Variants in PLCG2 observed in about 807,000 individuals in gnomAD.
PLCG2 encodes phospholipase C gamma 2, also known as 1-phosphatidylinositol 4,5-bisphosphate phosphodiesterase gamma-2.
A neutral mutation model predicts 175.6 loss-of-function variants in PLCG2; 69 were observed. That is an observed-to-expected ratio of 0.39 (90% CI 0.32 to 0.48). The LOEUF is 0.48. PLCG2 is among the 20% of genes least tolerant of loss of function. The pLI, the probability that PLCG2 is intolerant of heterozygous loss-of-function variation, is 0.91. For missense variants in PLCG2, 1,798 were observed against 1,650.9 expected, an observed-to-expected ratio of 1.09 and a Z score of -1.54; for synonymous variants, 827 against 624.0, an observed-to-expected ratio of 1.33 and a Z score of -4.85.
chr16:81,929,009 C>A (rs1910392232), intron 24 of PLCG2, among the ~76,000 whole-genome samples: 1 of 152,230 alleles, frequency 6.6e-6, no homozygotes, highest in Non-Finnish European at 1.5e-5. Flanking sequence ...CCCAGCTCTG[C>A]CTCTCTGTCG....
At chr16:81,872,838 A>G (rs1047171673) in intron 7 of PLCG2, among the ~76,000 whole-genome samples, 3 of 152,302 alleles carry the variant, frequency 2.0e-5, no homozygotes, top group South Asian at 4.1e-4. Flanking sequence ...GGGAGTTGTG[A>G]AGACAGGCAT....
chr16:81,774,408 C>G (rs1910352793), upstream of PLCG2, among the ~76,000 whole-genome samples: 1 of 152,090 alleles, frequency 6.6e-6, no homozygotes, highest in East Asian at 1.9e-4. Flanking sequence ...ATTTAAATAG[C>G]AGAGGGGTCT....
rs1290266365 is a variant in PLCG2, at chr16:81,959,918, G to A, written c.*1920G>A. The stretch of plus-strand genomic sequence containing the variant: ...TCTACTTTAAAGCCACAGTGCTAAG[G>A]CCTGCATCCCCTTTCTGCCCAAATG... On this transcript the variant is annotated 3_prime_UTR_variant, in exon 33 of 33. Transcript: ENST00000564138. 5 of 197,084 alleles carry A rather than the reference G, an allele frequency of 2.5e-5. No homozygotes were observed. In the East Asian group the frequency reaches 3.2e-4, roughly 12 times the overall value. The allele number at this position is 197,084 out of a possible 1,614,324, so 12.2% of individuals were successfully genotyped here.
intron 19 of PLCG2, among the ~76,000 whole-genome samples, chr16:81,913,854 C>G (rs2143666707): frequency 6.6e-6 from 1 of 152,320 alleles, no homozygotes; most frequent in East Asian, 1.9e-4. Flanking sequence ...TCCTTGCCTG[C>G]ACCACTATGC....
At chr16:81,858,673 A>G (rs758701699) in intron 4 of PLCG2, among the ~76,000 whole-genome samples, 4 of 152,188 alleles carry the variant, frequency 2.6e-5, no homozygotes, top group East Asian at 1.9e-4. Flanking sequence ...TAAGAGATTC[A>G]GTGGACTGAT....
chr16:81,922,549 T>A (rs1910102421), intron 21 of PLCG2, among the ~76,000 whole-genome samples: 1 of 152,226 alleles, frequency 6.6e-6, no homozygotes, highest in Non-Finnish European at 1.5e-5. Context: ...TATAAAAATT[T>A]AATTCCCATT....
chr16:81,778,853 C>T (rs1910581534), upstream of PLCG2, among the ~76,000 whole-genome samples: 1 of 152,180 alleles, frequency 6.6e-6, no homozygotes. Context: ...GTCTCTCGGC[C>T]ACACCCATCC....
At chr16:81,949,418 C>G (rs1567546950) in intron 31 of PLCG2, among the ~76,000 whole-genome samples, 1 of 152,164 alleles carries the variant, frequency 6.6e-6, no homozygotes, top group East Asian at 1.9e-4. Flanking sequence ...CTGAATAAGT[C>G]TAATATCAGA....
At chr16:81,789,967 A>C (rs1449708146) in intron 2 of PLCG2, among the ~76,000 whole-genome samples, 1 of 151,832 alleles carries the variant, frequency 6.6e-6, no homozygotes, top group South Asian at 2.1e-4. Context: ...TTGCTTTATT[A>C]GGTATGAGCA....
At chr16:81,758,584 C>A (rs1192290942) in intron 2 of PLCG2, among the ~76,000 whole-genome samples, 3 of 152,096 alleles carry the variant, frequency 2.0e-5, no homozygotes, top group African/African-American at 7.2e-5. Context: ...AACTATTTTC[C>A]ACAGCAGCTG....
At chr16:81,786,539 C>G (rs1232567226) in intron 2 of PLCG2, among the ~76,000 whole-genome samples, 1 of 152,170 alleles carries the variant, frequency 6.6e-6, no homozygotes, top group Non-Finnish European at 1.5e-5. Flanking sequence ...GCGAATTAGC[C>G]CAAGCCTGCA....
At chr16:81,934,090 G>A (rs1178948190) in intron 25 of PLCG2, among the ~76,000 whole-genome samples, 3 of 152,180 alleles carry the variant, frequency 2.0e-5, no homozygotes, top group Non-Finnish European at 1.5e-5. Context: ...CACTCTAACA[G>A]TGTGGCTTTA....
At chr16:81,792,492 A>AAAAAG (rs2143205270) in intron 2 of PLCG2, among the ~76,000 whole-genome samples, 1 of 44,712 alleles carries the variant, frequency 2.2e-5, no homozygotes, top group South Asian at 9.9e-4. Context: ...AAAAAAAAAA[A>AAAAAG]AAAAAAAAAA....
intron 2 of PLCG2, among the ~76,000 whole-genome samples, chr16:81,808,688 T>A (rs1292170977): frequency 6.6e-6 from 1 of 151,882 alleles, no homozygotes; most frequent in East Asian, 1.9e-4. Context: ...AGAGATGGGG[T>A]TTCACTGTGT....
chr16:81,912,788 G>T, intron 19 of PLCG2, 72 bp downstream of exon 19: 2 of 1,484,912 alleles, frequency 1.3e-6, no homozygotes, highest in South Asian at 1.4e-5. Flanking sequence ...AGACAAGGGG[G>T]AACTTCAGGT....
At chr16:81,811,295 A>T (rs531745904) in intron 2 of PLCG2, among the ~76,000 whole-genome samples, 1 of 152,220 alleles carries the variant, frequency 6.6e-6, no homozygotes, top group East Asian at 1.9e-4. Flanking sequence ...TCGGGTATGT[A>T]AAACCTTTAG....
At chr16:81,879,691 A>G (rs1160947509) in intron 7 of PLCG2, among the ~76,000 whole-genome samples, 1 of 152,218 alleles carries the variant, frequency 6.6e-6, no homozygotes, top group African/African-American at 2.4e-5. Flanking sequence ...ATCCAATCGC[A>G]GTGTCATTGA....
chr16:81,806,195 C>T (rs1454128301), intron 2 of PLCG2, among the ~76,000 whole-genome samples: 1 of 151,984 alleles, frequency 6.6e-6, no homozygotes, highest in Non-Finnish European at 1.5e-5. Context: ...CCACATGTGG[C>T]TAGTGGCTAC....
At chr16:81,775,681 G>C (rs1244802253), upstream of PLCG2, among the ~76,000 whole-genome samples, 1 of 152,178 alleles carries the variant, frequency 6.6e-6, no homozygotes, top group Non-Finnish European at 1.5e-5. Context: ...TATGCCCAAG[G>C]ACTGGTGAGC....
Sources: allele counts gnomAD v4.1 joint callset (sites outside exome capture counted in the v4.1 genomes callset), GRCh38; gene constraint gnomAD v4.1.1; transcripts MANE v1.5; gene names NCBI Gene and HGNC (gene_info 2026-07-23, HGNC 2026-07-21).